BCLAF3: variants seen among roughly 807,000 people sequenced by gnomAD.
BCLAF3 encodes the protein transient octamer binding factor 1.
A neutral mutation model predicts 51.2 loss-of-function variants in BCLAF3; 24 were observed. That is an observed-to-expected ratio of 0.47 (90% CI 0.34 to 0.66). The LOEUF (loss-of-function observed/expected upper bound fraction) is 0.66, where lower values mean the gene tolerates loss of function less well. BCLAF3 is among the 30% of genes least tolerant of loss of function. The pLI is 0.01. For missense variants in BCLAF3, 465 were observed against 525.1 expected (o/e 0.89, Z 1.12); for synonymous variants, 152 against 176.6 (o/e 0.86, Z 1.10).
intron 10 of BCLAF3, chrX:19,930,360 A>G (rs1443030553): frequency 1.8e-5 from 2 of 113,797 alleles, no homozygotes; most frequent in African/African-American, 6.6e-5. Context: ...AAAAAAACAG[A>G]TGAAAAACTG....
In BCLAF3 at chrX:19,953,428, C is replaced by T. The variant is rs6629369; in HGVS notation, c.1565+350G>A. ...CTCAGAACACCTATTTGTGACCACACGAAGCAACATATGATTTCGATGGCT... is the reference window on the plus strand; with the variant it reads ...CTCAGAACACCTATTTGTGACCACATGAAGCAACATATGATTTCGATGGCT... On this transcript the variant is annotated intron_variant, in intron 6 of 11. Coordinates refer to ENST00000379682, the MANE Select transcript of BCLAF3 (RefSeq NM_001367774.2). Among the ~76,000 whole-genome samples, 806 of 111,943 alleles carry T rather than the reference C, an allele frequency of 7.2e-3. 8 individuals are homozygous for T. The highest frequency in any genetic ancestry group is 0.025 in the African/African-American group (759 of 30,824).
chrX:19,981,964 C>T (rs184456854), intron 1 of BCLAF3, among the ~76,000 whole-genome samples: 1 of 111,105 alleles, frequency 9.0e-6, no homozygotes, highest in African/African-American at 3.3e-5. Context: ...GATGGTTGCA[C>T]AACTCTATGA....
chrX:19,965,385 A>G lies in BCLAF3; in HGVS notation c.933T>C (p.Tyr311=), dbSNP rs750924095. 1.3e-5 allele frequency: 16 copies of G among 1,211,190 alleles called. No homozygotes were observed. In the South Asian group the frequency reaches 1.4e-4, roughly 11 times the overall value. ...TATTTAGAGGGCCTTTTTGAAAACT[A>G]TATTTTCTATCTTCTTCCTTACAGT... The part of the protein sequence containing the change: ...QKYCKEEDRK[Y]SFQKGPLNRE... Residue 311 remains tyrosine, a synonymous_variant, in exon 4 of 12, where the codon TAT becomes TAC. Coordinates refer to ENST00000379682, the MANE Select transcript of BCLAF3 (RefSeq NM_001367774.2).
chrX:19,984,072 C>CAAA (rs1168246147), intron 1 of BCLAF3, among the ~76,000 whole-genome samples: 210 of 15,365 alleles, frequency 0.014, 22 homozygotes, highest in African/African-American at 0.035. Flanking sequence ...GACTCCATCT[C>CAAA]AAAAAAAAAA....
chrX:19,970,065 A>C (rs1393288036), intron 2 of BCLAF3, among the ~76,000 whole-genome samples, 159 bp downstream of exon 2: 1 of 112,377 alleles, frequency 8.9e-6, no homozygotes, highest in African/African-American at 3.2e-5. Flanking sequence ...GATTAAACAA[A>C]GCTGTCAGCT....
chrX:19,930,095 G>C (rs2070491329), intron 10 of BCLAF3, 155 bp from the exon 11 acceptor site: 3 of 419,618 alleles, frequency 7.1e-6, no homozygotes, highest in Non-Finnish European at 1.2e-5. Context: ...CTGATCGCTT[G>C]AGGTCAGGAG....
At chrX:19,932,772 T>C (rs1263390612) in intron 10 of BCLAF3, among the ~76,000 whole-genome samples, 1 of 111,199 alleles carries the variant, frequency 9.0e-6, no homozygotes, top group Non-Finnish European at 1.9e-5. Flanking sequence ...CCTCAAGTGA[T>C]CTGCCCGCCT....
intron 1 of BCLAF3, among the ~76,000 whole-genome samples, chrX:19,977,182 C>T (rs372522284): frequency 9.0e-6 from 1 of 111,261 alleles, no homozygotes; most frequent in Admixed American, 9.6e-5. Context: ...AACTAATAAT[C>T]CTAAAATGGC....
At chrX:19,935,513 T>C in intron 10 of BCLAF3, 1 of 239,155 alleles carries the variant, frequency 4.2e-6, no homozygotes, top group Non-Finnish European at 7.6e-6. Context: ...GTCTGCAGCC[T>C]TGCCTGTCTC....
intron 10 of BCLAF3, among the ~76,000 whole-genome samples, chrX:19,933,154 G>C (rs1197195214): frequency 3.6e-5 from 4 of 112,000 alleles, no homozygotes; most frequent in Non-Finnish European, 7.5e-5. Flanking sequence ...ACTGGCTGTA[G>C]CAAGACCCAT....
At position 19,965,578 on chromosome X, in the gene BCLAF3, T is replaced by G; in HGVS notation, c.740A>C (p.Tyr247Ser). 8.4e-7 allele frequency: 1 copy of G among 1,195,035 alleles called. No individual in the cohort carries two copies. Among genetic ancestry groups the G allele is most frequent in the Non-Finnish European group, 1.1e-6 (1 of 888,542 alleles). The part of the protein sequence containing the change: ...KWKPEHSLPP[Y>S]QEDTDQWNLG... ...GTTCCACTGGTCTGTGTCCTCTTGG[T>G]AAGGTGGGAGGGAATGCTCAGGCTT... is the stretch of plus-strand genomic sequence containing the variant. Residue 247 changes from tyrosine to serine, a missense_variant, in exon 4 of 12, where the codon TAC becomes TCC. By Grantham distance (144) the Tyr-to-Ser change is moderately radical. Coordinates refer to ENST00000379682, the MANE Select transcript of BCLAF3 (RefSeq NM_001367774.2).
At chrX:19,967,219 A>G (rs1249926426) in intron 2 of BCLAF3, among the ~76,000 whole-genome samples, 2 of 111,767 alleles carry the variant, frequency 1.8e-5, no homozygotes, top group Non-Finnish European at 3.8e-5. Context: ...TTTCTCTACT[A>G]AGGCTGTATC....
chrX:19,933,711 T>C (rs1297890956), intron 10 of BCLAF3, among the ~76,000 whole-genome samples: 2 of 112,419 alleles, frequency 1.8e-5, no homozygotes, highest in South Asian at 3.7e-4. Context: ...AGGTTATTAC[T>C]ATGTCGCTTT....
In BCLAF3 at chrX:19,914,409, T is replaced by C. The variant is rs1370275673; in HGVS notation, c.*2896A>G. On this transcript the variant is annotated 3_prime_UTR_variant, in exon 12 of 12. Coordinates refer to ENST00000379682, the MANE Select transcript of BCLAF3 (RefSeq NM_001367774.2). ...TGGTTGTTCCTGGTGAATTTGTGCC[T>C]GGTGGTTACTGAATTTGCTGGGTAA... is the stretch of plus-strand genomic sequence containing the variant. 9.0e-6 allele frequency: 1 copy of C among 110,608 alleles called. No homozygotes were observed. The highest frequency in any genetic ancestry group is 3.3e-5 in the African/African-American group (1 of 30,460). The allele number at this position is 110,608 out of a possible 1,213,427, so 9.1% of individuals were successfully genotyped here.
chrX:19,967,729 GCT>G, intron 2 of BCLAF3, among the ~76,000 whole-genome samples: 1 of 111,834 alleles, frequency 8.9e-6, no homozygotes, highest in Non-Finnish European at 1.9e-5. Flanking sequence ...TTCTGTTATG[GCT>G]CTCTCTTAGA....
chrX:19,959,641 G>T (rs746143998), intron 4 of BCLAF3, among the ~76,000 whole-genome samples: 136 of 108,473 alleles, frequency 1.3e-3, no homozygotes, highest in Non-Finnish European at 2.3e-3. Flanking sequence ...AGCCAGGCAT[G>T]GTGGCGTGTG....
intron 11 of BCLAF3, among the ~76,000 whole-genome samples, chrX:19,921,514 G>A (rs1368421275): frequency 9.0e-6 from 1 of 111,559 alleles, no homozygotes; most frequent in Admixed American, 9.5e-5. Context: ...GACCAGCCTG[G>A]CCAACATGGT....
At position 19,987,803 on chromosome X, in the gene BCLAF3, C is replaced by T. The variant is rs754145353; in HGVS notation, c.-35+3105G>A. Among the ~76,000 whole-genome samples the T allele has an allele frequency of 2.7e-5, 3 of 112,171 alleles. No homozygotes were observed. In the East Asian group the frequency reaches 8.3e-4, roughly 31 times the overall value. On this transcript the variant is annotated intron_variant, in intron 1 of 11. Transcript: ENST00000379682. The stretch of plus-strand genomic sequence containing the variant: ...TGGTTTACTAAGTGTTGTACACGTA[C>T]TATGTCATGTAATCCTCACAACAAA...
intron 1 of BCLAF3, among the ~76,000 whole-genome samples, chrX:19,973,534 C>T (rs144537464): frequency 0.026 from 2,927 of 111,059 alleles, 106 homozygotes; most frequent in African/African-American, 0.089. Flanking sequence ...CCTACTAGTC[C>T]CCTACACCAC....
Sources: gnomAD v4.1 joint callset for allele counts (sites outside exome capture counted in the v4.1 genomes callset) on GRCh38, gnomAD v4.1.1 for gene constraint, MANE v1.5 for transcripts, NCBI Gene and HGNC (gene_info 2026-07-23, HGNC 2026-07-21) for gene names.